PCDHGA1: variants seen among roughly 807,000 people sequenced by gnomAD.
PCDHGA1 encodes the protein protocadherin gamma-A1.
Under a neutral mutation model 58.0 loss-of-function variants are expected in PCDHGA1, and 32 were observed. The ratio of observed to expected loss-of-function variants is 0.55; its 90% confidence interval spans 0.42 to 0.74. The LOEUF is 0.74. Ranked by LOEUF, PCDHGA1 falls within the 30% of genes least tolerant of loss-of-function variation. The pLI is 0.00. For synonymous variants in PCDHGA1, 498 were observed against 501.1 expected, an observed-to-expected ratio of 0.99 and a Z score of 0.08; for missense variants, 1,205 against 1,182.3, an observed-to-expected ratio of 1.02 and a Z score of -0.28.
At chr5:141,421,679 C>T (rs1210753842) in intron 1 of PCDHGA1, 2 of 1,613,810 alleles carry the variant, frequency 1.2e-6, no homozygotes, top group Admixed American at 1.7e-5. Context: ...ATTCCTGGGG[C>T]GCGATTTGCT....
chr5:141,428,029 C>G, intron 1 of PCDHGA1: 2 of 1,607,160 alleles, frequency 1.2e-6, no homozygotes, highest in Non-Finnish European at 1.7e-6. Flanking sequence ...GCCGCAGAGT[C>G]CGGCTACCTG....
intron 1 of PCDHGA1, chr5:141,364,447 G>A: frequency 6.2e-7 from 1 of 1,613,954 alleles, no homozygotes; most frequent in Non-Finnish European, 8.5e-7. Context: ...CGGAGGAGCT[G>A]GACAAAGGCT....
intron 1 of PCDHGA1, chr5:141,423,692 G>T: frequency 7.1e-7 from 1 of 1,405,756 alleles, no homozygotes; most frequent in Non-Finnish European, 9.4e-7. Context: ...CCTAATTGTT[G>T]GTGTCTTGGC....
chr5:141,393,367 G>T, intron 1 of PCDHGA1: 1 of 1,613,962 alleles, frequency 6.2e-7, no homozygotes, highest in South Asian at 1.1e-5. Context: ...GTGCAGACTG[G>T]AGACAATGGA....
At chr5:141,333,181 T>A (rs1756450536) in intron 1 of PCDHGA1, 76 bp downstream of exon 1, 1 of 1,597,274 alleles carries the variant, frequency 6.3e-7, no homozygotes, top group Admixed American at 1.7e-5. Flanking sequence ...GTTCGCTCTT[T>A]GCTACAGATA....
rs769074023 is a variant in PCDHGA1, at chr5:141,491,738, G to A, written c.2422-3069G>A. ...GCGCCGCCCCGGGCGACCCCTGGGG[G>A]CGGCACTGGAGAAGCCGCCCGTCCT... On this transcript the variant is annotated intron_variant, in intron 1 of 3. Transcript: ENST00000517417. The surrounding 1 kb of genome is among the most constrained non-coding windows in gnomAD (Gnocchi z 6.9). 6.2e-7 allele frequency: 1 copy of A among 1,600,346 alleles called. No homozygotes were observed. The highest frequency in any genetic ancestry group is 8.5e-7 in the Non-Finnish European group (1 of 1,174,196).
In PCDHGA1 at chr5:141,489,423, C is replaced by A. The variant is rs754178145; in HGVS notation, c.2422-5384C>A. 7.4e-6 allele frequency: 12 copies of A among 1,613,982 alleles called. No homozygotes were observed. Among genetic ancestry groups the A allele is most frequent in the Non-Finnish European group, 1.0e-5 (12 of 1,180,044 alleles). On this transcript the variant is annotated intron_variant, in intron 1 of 3. Transcript: ENST00000517417. The surrounding 1 kb of genome is among the most constrained non-coding windows in gnomAD (Gnocchi z 4.5). Reference sequence around the variant, plus strand: ...GCTTAAAGATGACAGATCTGTTGAGCCGGCGGCTGCAATTGGGCTCTGAGG... The same window carrying A: ...GCTTAAAGATGACAGATCTGTTGAGACGGCGGCTGCAATTGGGCTCTGAGG...
intron 1 of PCDHGA1, chr5:141,361,129 A>G: frequency 6.2e-7 from 1 of 1,614,024 alleles, no homozygotes; most frequent in Non-Finnish European, 8.5e-7. Context: ...AGCCCACTGC[A>G]GTATCCAAGT....
intron 3 of PCDHGA1, among the ~76,000 whole-genome samples, chr5:141,509,700 TGGA>T (rs1407159498): frequency 6.6e-6 from 1 of 152,192 alleles, no homozygotes; most frequent in East Asian, 1.9e-4. Flanking sequence ...GACGTTGGAC[TGGA>T]GGTGCTGTCT....
chr5:141,485,714 G>C lies in PCDHGA1; in HGVS notation c.2422-9093G>C, dbSNP rs896709540. 6.2e-7 allele frequency: 1 copy of C among 1,614,064 alleles called. No homozygotes were observed. Among genetic ancestry groups the C allele is most frequent in the Non-Finnish European group, 8.5e-7 (1 of 1,180,050 alleles). On this transcript the variant is annotated intron_variant, in intron 1 of 3. Coordinates refer to ENST00000517417, the MANE Select transcript of PCDHGA1 (RefSeq NM_018912.3). The surrounding 1 kb of genome is among the most constrained non-coding windows in gnomAD (Gnocchi z 5.7). The stretch of plus-strand genomic sequence containing the variant: ...GAGCTCCAATGAACACTTTGCACTG[G>C]ATGTGAAGAAGCGCAGCGACGGCAG...
In PCDHGA1 at chr5:141,332,029, T is replaced by C. The variant is rs1290815919; in HGVS notation, c.1345T>C (p.Ser449Pro). The C allele has an allele frequency of 6.8e-6, 11 of 1,613,962 alleles. No homozygotes were observed. The East Asian group carries it at 2.5e-4, about 36-fold the overall frequency. Reference protein sequence around the residue: ...SLLVTDINDNSPVFHQDSYSA... With the variant: ...SLLVTDINDNPPVFHQDSYSA... ...ACTAGTGACAGATATCAATGACAAC[T>C]CCCCAGTCTTCCATCAGGACTCCTA... Residue 449 changes from serine to proline, a missense_variant, in exon 1 of 4, where the codon TCC becomes CCC. Physicochemically the swap from Ser to Pro is moderately conservative, Grantham distance 74. Transcript: ENST00000517417. The surrounding 1 kb of genome is among the most constrained non-coding windows in gnomAD (Gnocchi z 4.6).
At chr5:141,414,489 G>A (rs754325517) in intron 1 of PCDHGA1, 33 of 1,613,754 alleles carry the variant, frequency 2.0e-5, no homozygotes, top group Middle Eastern at 1.6e-4. Flanking sequence ...CTCTATCAAC[G>A]GAAGCTCACT....
chr5:141,341,774 C>T (rs1295431577), intron 1 of PCDHGA1: 1 of 353,654 alleles, frequency 2.8e-6, no homozygotes, highest in African/African-American at 2.1e-5. Flanking sequence ...TTACTCAAGT[C>T]CTTTCTTCTT....
In PCDHGA1 at chr5:141,345,102, C is replaced by G; in HGVS notation, c.2421+11997C>G. The G allele has an allele frequency of 2.5e-6, 4 of 1,613,826 alleles. No homozygotes were observed. In the African/African-American group the frequency reaches 5.3e-5, roughly 22 times the overall value. On this transcript the variant is annotated intron_variant, in intron 1 of 3. Transcript: ENST00000517417. Reference sequence around the variant, plus strand: ...AATCACGTCTCTCACAAGCTCAGTCCCAGAAGAGGGCACCGTTGGAAGAGA... The same window carrying G: ...AATCACGTCTCTCACAAGCTCAGTCGCAGAAGAGGGCACCGTTGGAAGAGA...
intron 1 of PCDHGA1, chr5:141,479,313 G>C (rs926148640): frequency 2.0e-5 from 3 of 152,456 alleles, no homozygotes; most frequent in Non-Finnish European, 2.9e-5. Context: ...AAAACATAAA[G>C]TAGCCAGACT....
At chr5:141,408,812 G>T (rs1383299883) in intron 1 of PCDHGA1, 2 of 1,613,454 alleles carry the variant, frequency 1.2e-6, no homozygotes, top group Non-Finnish European at 8.5e-7. Context: ...AGACCGGGAA[G>T]AACAGAGATC....
intron 1 of PCDHGA1, chr5:141,420,199 C>G (rs764130526): frequency 6.2e-7 from 1 of 1,613,362 alleles, no homozygotes; most frequent in Non-Finnish European, 8.5e-7. Flanking sequence ...CACAAGATAA[C>G]CTCAACAAAG....
chr5:141,494,878 T>A lies in PCDHGA1; in HGVS notation c.2480+13T>A. Reference sequence around the variant, plus strand: ...CCGGCACCAGCGGGTAGGTGACTGATTCTCCAGCCCACCCTCTTCTCTGCG... The same window carrying A: ...CCGGCACCAGCGGGTAGGTGACTGAATCTCCAGCCCACCCTCTTCTCTGCG... On this transcript the variant is annotated intron_variant, in intron 2 of 3. Coordinates refer to ENST00000517417, the MANE Select transcript of PCDHGA1 (RefSeq NM_018912.3). The A allele has an allele frequency of 6.2e-7, 1 of 1,614,072 alleles. No homozygotes were observed. The highest frequency in any genetic ancestry group is 8.5e-7 in the Non-Finnish European group (1 of 1,179,986).
At chr5:141,355,944 C>T (rs181172875) in intron 1 of PCDHGA1, 8 of 1,613,864 alleles carry the variant, frequency 5.0e-6, no homozygotes, top group Middle Eastern at 1.6e-4. Flanking sequence ...CCGAGTACCA[C>T]GTAAGTGTTC....
Sources: gnomAD v4.1 joint callset for allele counts (sites outside exome capture counted in the v4.1 genomes callset) on GRCh38, gnomAD v4.1.1 for gene constraint, Gnocchi (gnomAD v3.1) non-coding constraint, MANE v1.5 for transcripts, NCBI Gene and HGNC (gene_info 2026-07-23, HGNC 2026-07-21) for gene names.